PRSS21: variants seen among roughly 807,000 people sequenced by gnomAD.
PRSS21 encodes the protein testisin.
PRSS21 carries 40 observed loss-of-function variants against 31.1 expected under a neutral mutation model. That is an observed-to-expected ratio of 1.29 (90% CI 1.00 to 1.68). PRSS21 has a LOEUF of 1.68. Among genes scored for constraint, PRSS21 ranks in the 40% most tolerant of loss-of-function variants. The pLI is 0.00. For synonymous variants in PRSS21, 186 were observed against 167.7 expected (o/e 1.11, Z -0.84); for missense variants, 467 against 412.6 (o/e 1.13, Z -1.14).
At position 2,817,859 on chromosome 16, in the gene PRSS21, C is replaced by T. The variant is rs1203924256; in HGVS notation, c.150C>T (p.Leu50=). The T allele has an allele frequency of 2.6e-6, 4 of 1,550,522 alleles. No individual in the cohort carries two copies. The highest frequency in any genetic ancestry group is 1.2e-5 in the South Asian group (1 of 84,104). ...SRIVGGEDAE[L]GRWPWQGSLR... ...TCGTGGGTGGAGAGGACGCCGAACT[C>T]GGGCGTTGGCCGTGGCAGGGGAGCC... The change falls in exon 3 of 6, where the codon CTC becomes CTT. Residue 50 remains leucine (L), a synonymous_variant. Coordinates refer to ENST00000005995, the MANE Select transcript of PRSS21 (RefSeq NM_006799.4). This position sits in a 1 kb window ranked among gnomAD's most constrained non-coding sequence, Gnocchi z 4.2.
In PRSS21 at chr16:2,817,825, C is replaced by A. The variant is rs533252177; in HGVS notation, c.116C>A (p.Thr39Lys). ...GGACCATGCGGCCGACGGGTCATCACGTCGCGCATCGTGGGTGGAGAGGAC... is the reference window on the plus strand; with the variant it reads ...GGACCATGCGGCCGACGGGTCATCAAGTCGCGCATCGTGGGTGGAGAGGAC... ...LSGPCGRRVI[T>K]SRIVGGEDAE... is the part of the protein sequence containing the mutation. Residue 39 changes from threonine (T) to lysine (K), a missense_variant, in exon 3 of 6, where the codon ACG becomes AAG. Physicochemically the swap from Thr to Lys is moderately conservative, Grantham distance 78. Coordinates refer to ENST00000005995, the MANE Select transcript of PRSS21 (RefSeq NM_006799.4). The surrounding 1 kb of genome is among the most constrained non-coding windows in gnomAD (Gnocchi z 4.2). 1 of 1,550,778 alleles carries A rather than the reference C, an allele frequency of 6.4e-7. No homozygotes were observed. Among genetic ancestry groups the A allele is most frequent in the Non-Finnish European group, 8.7e-7 (1 of 1,147,294 alleles).
chr16:2,821,324 C>G (rs200468467), intron 5 of PRSS21, 42 bp from the exon 6 acceptor site: 1,372 of 1,608,660 alleles, frequency 8.5e-4, no homozygotes, highest in Non-Finnish European at 1.1e-3. Flanking sequence ...CCCTGCCCCA[C>G]TCACTCTGCC....
Position 2,817,277 on chromosome 16 carries a change from G to C in PRSS21, c.9G>C (p.Ala3=), listed in dbSNP as rs1364652550. Residue 3 remains alanine (A), a synonymous_variant, in exon 1 of 6, where the codon GCG becomes GCC. Coordinates refer to ENST00000005995, the MANE Select transcript of PRSS21 (RefSeq NM_006799.4). The surrounding 1 kb of genome is among the most constrained non-coding windows in gnomAD (Gnocchi z 4.2). ...CCGCGGGAGAGGAGGCCATGGGCGC[G>C]CGCGGGGCGCTGCTGCTGGCGCTGC... MG[A]RGALLLALLL... 6.5e-7 allele frequency: 1 copy of C among 1,534,832 alleles called. No individual in the cohort carries two copies. The highest frequency in any genetic ancestry group is 1.4e-5 in the African/African-American group (1 of 72,584).
At position 2,818,626 on chromosome 16, in the gene PRSS21, G is replaced by T. The variant is rs748176048; in HGVS notation, c.258-51G>T. The stretch of plus-strand genomic sequence containing the variant: ...TGCACTGGACCCCAGTTGTGCTCAG[G>T]TAGCCAGCCCTCCATCCAGGGCCCC... On this transcript the variant is annotated intron_variant, in intron 3 of 5. Transcript: ENST00000005995. 12 of 1,567,616 alleles carry T rather than the reference G, an allele frequency of 7.7e-6. No individual in the cohort carries two copies. In the Admixed American group the frequency reaches 2.0e-4, roughly 27 times the overall value.
rs200208957 is a variant in PRSS21, at chr16:2,818,780, G to A, written c.361G>A (p.Val121Ile). The change falls in exon 4 of 6, where the codon GTA (valine) becomes ATA (isoleucine). Residue 121 changes from valine to isoleucine, a missense_variant. Val to Ile is a conservative substitution (Grantham distance 29, BLOSUM62 3). Transcript: ENST00000005995. The stretch of plus-strand genomic sequence containing the variant: ...GCAGGCCTACTACACCCGTTACTTC[G>A]TATCGAATATCTATCTGAGCCCTCG... ...SLQAYYTRYF[V>I]SNIYLSPRYL... The A allele has an allele frequency of 1.8e-4, 284 of 1,613,520 alleles. 1 individual carries two copies. The highest frequency in any genetic ancestry group is 1.3e-3 in the Middle Eastern group (8 of 6,062).
Position 2,817,696 on chromosome 16 carries a change from G to A in PRSS21, c.92-105G>A, listed in dbSNP as rs1350341568. On this transcript the variant is annotated intron_variant, in intron 2 of 5. Transcript: ENST00000005995. The surrounding 1 kb of genome is among the most constrained non-coding windows in gnomAD (Gnocchi z 4.2). ...CTGCACACACGCGAGGGGACCCTGGGTGGGCAAAAACGTGCTTTCCCGGAC... is the reference window on the plus strand; with the variant it reads ...CTGCACACACGCGAGGGGACCCTGGATGGGCAAAAACGTGCTTTCCCGGAC... 2.1e-6 allele frequency: 3 copies of A among 1,438,668 alleles called. No individual in the cohort carries two copies. Among genetic ancestry groups the A allele is most frequent in the Non-Finnish European group, 2.8e-6 (3 of 1,073,950 alleles). The allele number at this position is 1,438,668 out of a possible 1,614,324, so 89.1% of individuals were successfully genotyped here.
chr16:2,821,152 G>A (rs2069168560), intron 5 of PRSS21, 43 bp downstream of exon 5: 1 of 1,609,776 alleles, frequency 6.2e-7, no homozygotes, highest in African/African-American at 1.3e-5. Flanking sequence ...AAAGCATCCT[G>A]TGTCCCTGTG....
chr16:2,817,628 C>A lies in PRSS21; in HGVS notation c.91+172C>A. 2 of 1,268,778 alleles carry A rather than the reference C, an allele frequency of 1.6e-6. No individual in the cohort carries two copies. The highest frequency in any genetic ancestry group is 1.5e-5 in the South Asian group (1 of 68,882). 78.6% of individuals were successfully genotyped at this position (1,268,778 alleles called of 1,614,324 possible). A position where few individuals can be genotyped will look rare whatever the true frequency, so the allele number is the denominator to read the frequency against. On this transcript the variant is annotated intron_variant, in intron 2 of 5. Transcript: ENST00000005995. The surrounding 1 kb of genome is among the most constrained non-coding windows in gnomAD (Gnocchi z 4.2). Reference sequence around the variant, plus strand: ...GACGCTGGAGGGGGATGGGCGGGCCCTGCAGAGCACGTGGGAGGATCTCCA... The same window carrying A: ...GACGCTGGAGGGGGATGGGCGGGCCATGCAGAGCACGTGGGAGGATCTCCA...
rs1231263956 is a variant in PRSS21 at position 2,817,994 on chromosome 16, C to CG, written c.257+32dup. 2 of 1,535,938 alleles carry CG rather than the reference C, an allele frequency of 1.3e-6. No homozygotes were observed. Among genetic ancestry groups the CG allele is most frequent in the African/African-American group, 1.4e-5 (1 of 72,824 alleles). On this transcript the variant is annotated intron_variant, in intron 3 of 5. Coordinates refer to ENST00000005995, the MANE Select transcript of PRSS21 (RefSeq NM_006799.4). This position sits in a 1 kb window ranked among gnomAD's most constrained non-coding sequence, Gnocchi z 4.2. ...GAGTGGGGGTGCGAACGGAGGGGTG[C>CG]GGGGACGGGCAGGAACAGGGCTGGA...
rs1351809676 is a variant in PRSS21, at chr16:2,821,536, G to A, written c.876G>A (p.Gln292=). The A allele has an allele frequency of 6.2e-7, 1 of 1,614,092 alleles. No individual in the cohort carries two copies. Among genetic ancestry groups the A allele is most frequent in the Non-Finnish European group, 8.5e-7 (1 of 1,180,050 alleles). Residue 292 remains glutamine (Q), a synonymous_variant, in exon 6 of 6, where the codon CAG becomes CAA. Transcript: ENST00000005995. Reference sequence around the variant, plus strand: ...TGATGGCCCAGAGTGGCATGTCCCAGCCAGACCCCTCCTGGCCGCTACTCT... The same window carrying A: ...TGATGGCCCAGAGTGGCATGTCCCAACCAGACCCCTCCTGGCCGCTACTCT... The part of the protein sequence containing the change: ...QKLMAQSGMS[Q]PDPSWPLLFF...
At position 2,818,979 on chromosome 16, in the gene PRSS21, G is replaced by C; in HGVS notation, c.550+10G>C. ...ATCAAAGAGGATGAGGGTGAGGCTG[G>C]GGACAGGCGGGTCAGGGAGGAACTG... On this transcript the variant is annotated intron_variant, in intron 4 of 5. Transcript: ENST00000005995. 6.2e-7 allele frequency: 1 copy of C among 1,612,584 alleles called. No individual in the cohort carries two copies. The highest frequency in any genetic ancestry group is 8.5e-7 in the Non-Finnish European group (1 of 1,178,830).
In PRSS21 at chr16:2,817,968, T is replaced by TGAGTGGGGGTGCGAAC; in HGVS notation, c.257+4_257+19dup. The TGAGTGGGGGTGCGAAC allele has an allele frequency of 1.3e-6, 2 of 1,546,692 alleles. No individual in the cohort carries two copies. The highest frequency in any genetic ancestry group is 1.7e-6 in the Non-Finnish European group (2 of 1,145,666). On this transcript the variant is annotated splice_region_variant and intron_variant, in intron 3 of 5. Coordinates refer to ENST00000005995, the MANE Select transcript of PRSS21 (RefSeq NM_006799.4). This position sits in a 1 kb window ranked among gnomAD's most constrained non-coding sequence, Gnocchi z 4.2. ...CACGGCGGCGCACTGCTTTGAAACGTGAGTGGGGGTGCGAACGGAGGGGTG... is the reference window on the plus strand; with the variant it reads ...CACGGCGGCGCACTGCTTTGAAACGTGAGTGGGGGTGCGAACGAGTGGGGGTGCGAACGGAGGGGTG...
In PRSS21 at chr16:2,821,096, A is replaced by G; in HGVS notation, c.692A>G (p.Lys231Arg). The change falls in exon 5 of 6, where the codon AAG (lysine) becomes AGG (arginine). Residue 231 changes from lysine (K) to arginine (R), a missense_variant. By Grantham distance (26) the Lys-to-Arg change is conservative. Coordinates refer to ENST00000005995, the MANE Select transcript of PRSS21 (RefSeq NM_006799.4). The part of the protein sequence containing the change: ...MVCAGNAQGG[K>R]DACFGDSGGP... ...TGTGCTGGCAATGCCCAAGGCGGGA[A>G]GGATGCCTGCTTCGTGAGTGTCCTT... 1 of 1,614,088 alleles carries G rather than the reference A, an allele frequency of 6.2e-7. No individual in the cohort carries two copies. The highest frequency in any genetic ancestry group is 8.5e-7 in the Non-Finnish European group (1 of 1,180,016).
chr16:2,818,965 T>A lies in PRSS21; in HGVS notation c.546T>A (p.Asp182Glu). The A allele has an allele frequency of 1.9e-6, 3 of 1,613,832 alleles. No individual in the cohort carries two copies. The highest frequency in any genetic ancestry group is 2.5e-6 in the Non-Finnish European group (3 of 1,179,772). The change falls in exon 4 of 6, where the codon GAT becomes GAA. Residue 182 changes from aspartate to glutamate, a missense_variant. Asp to Glu is a conservative substitution (Grantham distance 45, BLOSUM62 2). Coordinates refer to ENST00000005995, the MANE Select transcript of PRSS21 (RefSeq NM_006799.4). ...WVTGWGYIKEDEALPSPHTLQ... is the reference protein window; with the variant it reads ...WVTGWGYIKEEEALPSPHTLQ... Reference sequence around the variant, plus strand: ...CTGGCTGGGGGTACATCAAAGAGGATGAGGGTGAGGCTGGGGACAGGCGGG... The same window carrying A: ...CTGGCTGGGGGTACATCAAAGAGGAAGAGGGTGAGGCTGGGGACAGGCGGG...
chr16:2,818,555 G>T, intron 3 of PRSS21, 122 bp from the exon 4 acceptor site: 1 of 993,436 alleles, frequency 1.0e-6, no homozygotes, highest in Non-Finnish European at 1.5e-6. Context: ...TTCTGCAGGG[G>T]ACCCTGGGTG....
At position 2,817,801 on chromosome 16, in the gene PRSS21, G is replaced by A; in HGVS notation, c.92G>A (p.Gly31Glu). ...PESQEAAPLS[G>E]PCGRRVITSR... ...TCAGCAGTTCCTCTGACCATCCGAG[G>A]ACCATGCGGCCGACGGGTCATCACG... Residue 31 changes from glycine (G) to glutamate (E), a missense_variant and splice_region_variant, in exon 3 of 6, where the codon GGA (glycine) becomes GAA (glutamate). Transcript: ENST00000005995. This position sits in a 1 kb window ranked among gnomAD's most constrained non-coding sequence, Gnocchi z 4.2. 6.5e-7 allele frequency: 1 copy of A among 1,549,548 alleles called. No homozygotes were observed. Among genetic ancestry groups the A allele is most frequent in the Non-Finnish European group, 8.7e-7 (1 of 1,146,778 alleles).
At chr16:2,820,511 T>C (rs948852940) in intron 4 of PRSS21, among the ~76,000 whole-genome samples, 8 of 151,550 alleles carry the variant, frequency 5.3e-5, no homozygotes, top group Non-Finnish European at 1.0e-4. Flanking sequence ...GTGCTGGGGG[T>C]CCCTAAGAGT....
chr16:2,818,499 GAGCA>G (rs1223844095), intron 3 of PRSS21, among the ~76,000 whole-genome samples, 174 bp from the exon 4 acceptor site: 1 of 152,162 alleles, frequency 6.6e-6, no homozygotes, highest in East Asian at 1.9e-4. Context: ...TCTGCTGCAG[GAGCA>G]GGTCCTAGGA....
Position 2,817,333 on chromosome 16 carries a change from G to A in PRSS21, c.64+1G>A. The A allele has an allele frequency of 6.4e-7, 1 of 1,555,326 alleles. No individual in the cohort carries two copies. The highest frequency in any genetic ancestry group is 1.8e-5 in the Admixed American group (1 of 54,076). ...GCTCGGGCTGGACTCAGGAAGCCGG[G>A]TGAGCTCGGGGCGCTGCTGGCGGGA... On this transcript the variant is annotated splice_donor_variant, in intron 1 of 5. Transcript: ENST00000005995. LOFTEE classifies it high-confidence loss of function. The surrounding 1 kb of genome is among the most constrained non-coding windows in gnomAD (Gnocchi z 4.2).
Sources: allele counts gnomAD v4.1 joint callset (sites outside exome capture counted in the v4.1 genomes callset), GRCh38; gene constraint gnomAD v4.1.1; non-coding constraint Gnocchi (gnomAD v3.1); transcripts MANE v1.5; gene names NCBI Gene and HGNC (gene_info 2026-07-23, HGNC 2026-07-21).